Variants in ZNRF3 observed in about 807,000 individuals in gnomAD.
The protein encoded by ZNRF3 is zinc and ring finger 3.
Under a neutral mutation model 72.5 loss-of-function variants are expected in ZNRF3, and 23 were observed. That is an observed-to-expected ratio of 0.32 (90% confidence interval 0.23 to 0.45). The LOEUF is 0.45. Ranked by LOEUF, ZNRF3 falls within the 20% of genes least tolerant of loss-of-function variation. The pLI is 1.00. For missense variants in ZNRF3, 1,169 were observed against 1,272.1 expected (o/e 0.92, Z 1.23); for synonymous variants, 610 against 545.3 (o/e 1.12, Z -1.65).
intron 1 of ZNRF3, among the ~76,000 whole-genome samples, chr22:28,932,637 G>A (rs565128600): frequency 1.3e-5 from 2 of 152,278 alleles, no homozygotes; most frequent in Non-Finnish European, 2.9e-5. Flanking sequence ...AGGCAAAACT[G>A]GGCAGAAAAG....
At chr22:28,964,057 G>T (rs937090763) in intron 1 of ZNRF3, among the ~76,000 whole-genome samples, 2 of 152,168 alleles carry the variant, frequency 1.3e-5, no homozygotes, top group African/African-American at 4.8e-5. Flanking sequence ...CCAGGTTGCC[G>T]GGGATGAGGG....
intron 2 of ZNRF3, among the ~76,000 whole-genome samples, chr22:29,037,769 C>T (rs1372962923): frequency 6.6e-6 from 1 of 152,188 alleles, no homozygotes; most frequent in Non-Finnish European, 1.5e-5. Context: ...TGGTCACCTG[C>T]TGGCTGGTGC....
Position 29,041,895 on chromosome 22 carries a change from G to A in ZNRF3, c.427-600G>A, listed in dbSNP as rs372871341. ...AAGGAAAAAGGAACCGCATGAGATG[G>A]ACCAAAGGCACTTGCTTTGGTTGCC... On this transcript the variant is annotated intron_variant, in intron 2 of 8. Transcript: ENST00000544604. 1.8e-4 allele frequency among the ~76,000 whole-genome samples: 27 copies of A among 152,252 alleles called. No homozygotes were observed. The East Asian group carries it at 5.0e-3, about 28-fold the overall frequency.
At chr22:28,932,533 T>C (rs2034725318) in intron 1 of ZNRF3, among the ~76,000 whole-genome samples, 1 of 152,054 alleles carries the variant, frequency 6.6e-6, no homozygotes, top group African/African-American at 2.4e-5. Context: ...CAACATTGGG[T>C]CTTTGTGCGC....
chr22:28,952,568 A>G (rs2035184946), intron 1 of ZNRF3, among the ~76,000 whole-genome samples: 1 of 148,972 alleles, frequency 6.7e-6, no homozygotes, highest in Admixed American at 6.7e-5. Context: ...GTTCCCATTC[A>G]CAGTTTGAAA....
In ZNRF3 at chr22:28,931,154, G is replaced by T. The variant is rs117627207; in HGVS notation, c.300+47088G>T. Among the ~76,000 whole-genome samples, 435 of 152,280 alleles carry T rather than the reference G, an allele frequency of 2.9e-3. 3 individuals are homozygous for T. Among genetic ancestry groups the T allele is most frequent in the Admixed American group, 5.6e-3 (85 of 15,298 alleles). On this transcript the variant is annotated intron_variant, in intron 1 of 8. Transcript: ENST00000544604. The stretch of plus-strand genomic sequence containing the variant: ...CACTTTAGGGTCTTCTGGAAAGTAA[G>T]AAATTATATTTATTTTTGCCAGTAT...
chr22:29,007,663 C>A (rs986383326), intron 2 of ZNRF3, among the ~76,000 whole-genome samples: 1 of 151,700 alleles, frequency 6.6e-6, no homozygotes, highest in Non-Finnish European at 1.5e-5. Flanking sequence ...TTTTAATTTG[C>A]TCCTGATCGT....
chr22:28,928,536 C>T (rs915737007), intron 1 of ZNRF3, among the ~76,000 whole-genome samples: 3 of 134,240 alleles, frequency 2.2e-5, no homozygotes, highest in Non-Finnish European at 3.1e-5. Flanking sequence ...CTCTGTCACT[C>T]AGGCTGGAGT....
intron 1 of ZNRF3, among the ~76,000 whole-genome samples, chr22:28,964,149 T>A (rs1277009607): frequency 6.6e-6 from 1 of 152,160 alleles, no homozygotes; most frequent in East Asian, 1.9e-4. Flanking sequence ...CAGTGTCAAA[T>A]TTTGAGGCAA....
chr22:29,037,577 G>GCCCT (rs1569291372), intron 2 of ZNRF3, among the ~76,000 whole-genome samples: 1 of 152,130 alleles, frequency 6.6e-6, no homozygotes, highest in African/African-American at 2.4e-5. Flanking sequence ...CCACAATAGG[G>GCCCT]CCCTGTCTTC....
At chr22:28,960,507 G>A (rs2035338772) in intron 1 of ZNRF3, among the ~76,000 whole-genome samples, 1 of 152,200 alleles carries the variant, frequency 6.6e-6, no homozygotes, top group Non-Finnish European at 1.5e-5. Flanking sequence ...TTGAGCAACA[G>A]TGCAGCTGAT....
At chr22:29,019,047 A>G (rs1215060036) in intron 2 of ZNRF3, among the ~76,000 whole-genome samples, 2 of 151,308 alleles carry the variant, frequency 1.3e-5, no homozygotes, top group Non-Finnish European at 2.9e-5. Flanking sequence ...CCCTCTCAAC[A>G]TGTGGTCTCT....
At chr22:28,954,894 C>T (rs912152798) in intron 1 of ZNRF3, among the ~76,000 whole-genome samples, 4 of 151,804 alleles carry the variant, frequency 2.6e-5, no homozygotes, top group East Asian at 3.9e-4. Flanking sequence ...GGATTACAGG[C>T]GTGAGCCACC....
intron 2 of ZNRF3, among the ~76,000 whole-genome samples, chr22:29,024,284 G>GTTTTTTTTTT (rs59532780): frequency 1.4e-4 from 18 of 127,828 alleles, no homozygotes; most frequent in South Asian, 2.6e-4. Flanking sequence ...GGCATTAACT[G>GTTTTTTTTTT]TTTTTTTTTT....
chr22:28,970,441 G>A (rs138674153), intron 1 of ZNRF3, among the ~76,000 whole-genome samples: 65 of 152,328 alleles, frequency 4.3e-4, no homozygotes, highest in Non-Finnish European at 7.3e-4. Flanking sequence ...CAGTTCCTTC[G>A]GAAAAGTTTG....
chr22:28,919,776 G>A (rs978856199), intron 1 of ZNRF3, among the ~76,000 whole-genome samples: 1 of 151,970 alleles, frequency 6.6e-6, no homozygotes, highest in Non-Finnish European at 1.5e-5. Flanking sequence ...CAAAGTGCTG[G>A]GCTTACAGGC....
At chr22:28,947,365 T>C (rs762199503) in intron 1 of ZNRF3, among the ~76,000 whole-genome samples, 4 of 152,234 alleles carry the variant, frequency 2.6e-5, no homozygotes, top group Non-Finnish European at 5.9e-5. Flanking sequence ...CTCTTGGGTA[T>C]ATACTTAGGA....
At chr22:28,972,305 G>A (rs1422352094) in intron 1 of ZNRF3, among the ~76,000 whole-genome samples, 1 of 152,136 alleles carries the variant, frequency 6.6e-6, no homozygotes, top group Non-Finnish European at 1.5e-5. Context: ...CCAGTGCTAG[G>A]CAACCACTGA....
intron 2 of ZNRF3, among the ~76,000 whole-genome samples, chr22:29,034,166 G>A (rs1410569549): frequency 6.6e-6 from 1 of 152,168 alleles, no homozygotes; most frequent in Non-Finnish European, 1.5e-5. Context: ...TCTTCACCCA[G>A]GACAGCAGCA....
Sources: gnomAD v4.1 joint callset for allele counts (sites outside exome capture counted in the v4.1 genomes callset) on GRCh38, gnomAD v4.1.1 for gene constraint, MANE v1.5 for transcripts, NCBI Gene and HGNC (gene_info 2026-07-23, HGNC 2026-07-21) for gene names.